PIK3R5: variants seen among roughly 807,000 people sequenced by gnomAD.
The protein encoded by PIK3R5 is phosphoinositide-3-kinase regulatory subunit 5, also known as phosphoinositide 3-kinase regulatory subunit 5.
Under a neutral mutation model 94.9 loss-of-function variants are expected in PIK3R5, and 32 were observed. The observed-to-expected ratio is 0.34, with a 90% CI of 0.25 to 0.45. The LOEUF is 0.45. Ranked by LOEUF, PIK3R5 falls within the 20% of genes least tolerant of loss-of-function variation. The pLI is 1.00. For missense variants in PIK3R5, 853 were observed against 1,144.6 expected, an observed-to-expected ratio of 0.75 and a Z score of 3.68; for synonymous variants, 443 against 479.4, an observed-to-expected ratio of 0.92 and a Z score of 0.99.
At chr17:8,961,207 C>A (rs1159824364) in intron 1 of PIK3R5, among the ~76,000 whole-genome samples, 1 of 152,114 alleles carries the variant, frequency 6.6e-6, no homozygotes, top group Non-Finnish European at 1.5e-5. Context: ...TGGGGAGAAG[C>A]AACAGCACAC....
chr17:8,956,287 G>A (rs1672131261), intron 1 of PIK3R5, among the ~76,000 whole-genome samples: 1 of 152,098 alleles, frequency 6.6e-6, no homozygotes, highest in Non-Finnish European at 1.5e-5. Context: ...TGACCTGAAA[G>A]GAAGCCTTCC....
At chr17:8,903,546 A>T (rs1481557156) in intron 5 of PIK3R5, among the ~76,000 whole-genome samples, 1 of 150,966 alleles carries the variant, frequency 6.6e-6, no homozygotes, top group Non-Finnish European at 1.5e-5. Flanking sequence ...TATAAATTTT[A>T]AAAATATCTT....
chr17:8,897,808 C>A (rs536096225), intron 5 of PIK3R5, among the ~76,000 whole-genome samples: 1 of 152,302 alleles, frequency 6.6e-6, no homozygotes, highest in African/African-American at 2.4e-5. Flanking sequence ...AAGAAGCAAC[C>A]TTGAAGATGG....
At chr17:8,915,667 C>A (rs976229661) in intron 1 of PIK3R5, 30 of 152,300 alleles carry the variant, frequency 2.0e-4, no homozygotes, top group African/African-American at 7.2e-4. Context: ...GGTTTTAAGA[C>A]CCCTCTGCCC....
rs768745301 is a variant in PIK3R5 at position 8,888,364 on chromosome 17, G to A, written c.1423C>T (p.Arg475Cys). 5.0e-6 allele frequency: 8 copies of A among 1,609,612 alleles called. No individual in the cohort carries two copies. The highest frequency in any genetic ancestry group is 2.2e-5 in the East Asian group (1 of 44,844). ...EPVSPPSRAQ[R>C]SRSLPQPKLG... The stretch of plus-strand genomic sequence containing the variant: ...TTGGGCTGGGGCAGGGAGCGGGAGC[G>A]CTGGGCCCGGGAAGGGGGTGATACT... Residue 475 changes from arginine to cysteine, a missense_variant, in exon 10 of 19, where the codon CGC (arginine) becomes TGC (cysteine). Physicochemically the swap from Arg to Cys is radical, Grantham distance 180. Transcript: ENST00000447110. The surrounding 1 kb of genome is among the most constrained non-coding windows in gnomAD (Gnocchi z 7.8).
intron 1 of PIK3R5, among the ~76,000 whole-genome samples, chr17:8,939,674 A>G (rs1244510849): frequency 6.6e-6 from 1 of 152,232 alleles, no homozygotes; most frequent in African/African-American, 2.4e-5. Flanking sequence ...TTCAAATGCG[A>G]ACTTCAGTTA....
intron 12 of PIK3R5, among the ~76,000 whole-genome samples, chr17:8,886,853 ATCTGAGGTCCCCCGGACCCT>A (rs1006048920): frequency 8.5e-5 from 13 of 152,192 alleles, no homozygotes; most frequent in African/African-American, 2.9e-4. Context: ...GGGGGCTGAA[ATCTGAGGTCCCCCGGACCCT>A]TCTGAGGGCC....
intron 12 of PIK3R5, 61 bp downstream of exon 12, chr17:8,887,035 C>T (rs1324179679): frequency 6.3e-7 from 1 of 1,599,590 alleles, no homozygotes; most frequent in Non-Finnish European, 8.5e-7. Context: ...CCAGGGCCTT[C>T]TAAGTGAGGC....
chr17:8,884,873 C>T lies in PIK3R5; in HGVS notation c.2129-90G>A, dbSNP rs1597371592. 9.7e-7 allele frequency: 1 copy of T among 1,028,920 alleles called. No individual in the cohort carries two copies. The highest frequency in any genetic ancestry group is 1.5e-6 in the Non-Finnish European group (1 of 663,214). 63.7% of individuals were successfully genotyped at this position (1,028,920 alleles called of 1,614,324 possible). On this transcript the variant is annotated intron_variant, in intron 14 of 18. Coordinates refer to ENST00000447110, the MANE Select transcript of PIK3R5 (RefSeq NM_001142633.3). The surrounding 1 kb of genome is among the most constrained non-coding windows in gnomAD (Gnocchi z 5.8). Reference sequence around the variant, plus strand: ...GCCTTGCCTCCCTGGGCCTTACCTCCCCATCCCCTACCACATGGACCGTGA... The same window carrying T: ...GCCTTGCCTCCCTGGGCCTTACCTCTCCATCCCCTACCACATGGACCGTGA...
chr17:8,914,197 T>C (rs2090587768), intron 1 of PIK3R5, among the ~76,000 whole-genome samples: 1 of 152,106 alleles, frequency 6.6e-6, no homozygotes, highest in African/African-American at 2.4e-5. Context: ...AGCAGGTTCT[T>C]GGAGGGAGCT....
At position 8,881,400 on chromosome 17, in the gene PIK3R5, G is replaced by A. The variant is rs1392580146; in HGVS notation, c.2382+230C>T. Reference sequence around the variant, plus strand: ...TCTCACAGGGCACCCCTACCTCCCCGACACCCCGCAACACTCCACACCTGT... The same window carrying A: ...TCTCACAGGGCACCCCTACCTCCCCAACACCCCGCAACACTCCACACCTGT... On this transcript the variant is annotated intron_variant, in intron 17 of 18. Transcript: ENST00000447110. This position sits in a 1 kb window ranked among gnomAD's most constrained non-coding sequence, Gnocchi z 4.8. Among the ~76,000 whole-genome samples, 2 of 150,950 alleles carry A rather than the reference G, an allele frequency of 1.3e-5. No homozygotes were observed. The highest frequency in any genetic ancestry group is 3.0e-5 in the Non-Finnish European group (2 of 67,780).
intron 1 of PIK3R5, among the ~76,000 whole-genome samples, chr17:8,919,854 C>T (rs1426763600): frequency 6.7e-6 from 1 of 149,070 alleles, no homozygotes; most frequent in African/African-American, 2.5e-5. Context: ...CTCTCTCTCT[C>T]TCTTTCTTTC....
intron 5 of PIK3R5, among the ~76,000 whole-genome samples, chr17:8,895,415 G>A (rs954174942): frequency 6.6e-6 from 1 of 152,140 alleles, no homozygotes; most frequent in African/African-American, 2.4e-5. Flanking sequence ...AGACTCTGAC[G>A]TCGCTCTCCC....
chr17:8,951,075 T>C (rs937900596), intron 1 of PIK3R5, among the ~76,000 whole-genome samples: 2 of 152,224 alleles, frequency 1.3e-5, no homozygotes, highest in African/African-American at 2.4e-5. Context: ...ATCTTTGATA[T>C]GTGTGTTGAC....
chr17:8,934,213 G>A (rs989904018), intron 1 of PIK3R5, among the ~76,000 whole-genome samples: 5 of 152,142 alleles, frequency 3.3e-5, no homozygotes, highest in Admixed American at 2.6e-4. Context: ...ACTACCATTA[G>A]CGAATTTATC....
In PIK3R5 at chr17:8,884,028, G is replaced by A. The variant is rs907998089; in HGVS notation, c.2205+679C>T. 7.2e-5 allele frequency among the ~76,000 whole-genome samples: 11 copies of A among 152,108 alleles called. No individual in the cohort carries two copies. The highest frequency in any genetic ancestry group is 1.6e-4 in the Non-Finnish European group (11 of 68,016). On this transcript the variant is annotated intron_variant, in intron 15 of 18. Transcript: ENST00000447110. This position sits in a 1 kb window ranked among gnomAD's most constrained non-coding sequence, Gnocchi z 5.8. ...ACTTGCCGCTCTCTGGAATTATCTT[G>A]GCTATTTCTTTGTTTCCTCGTTTCT... is the stretch of plus-strand genomic sequence containing the variant.
intron 1 of PIK3R5, chr17:8,916,719 G>C (rs1014404461): frequency 1.3e-5 from 2 of 152,512 alleles, no homozygotes; most frequent in East Asian, 1.9e-4. Flanking sequence ...ATGTTGACAG[G>C]ATGCCATGAT....
intron 5 of PIK3R5, among the ~76,000 whole-genome samples, chr17:8,903,116 A>G (rs1000362275): frequency 3.9e-5 from 6 of 152,170 alleles, no homozygotes; most frequent in Admixed American, 6.5e-5. Context: ...AAGTGCTGGG[A>G]TTACAGGCAT....
At chr17:8,962,605 A>C (rs1442246829) in intron 1 of PIK3R5, among the ~76,000 whole-genome samples, 1 of 152,224 alleles carries the variant, frequency 6.6e-6, no homozygotes, top group African/African-American at 2.4e-5. Context: ...ATTTAATAGA[A>C]TCTAAGATGC....
Sources: gnomAD v4.1 joint callset for allele counts (sites outside exome capture counted in the v4.1 genomes callset) on GRCh38, gnomAD v4.1.1 for gene constraint, Gnocchi (gnomAD v3.1) non-coding constraint, MANE v1.5 for transcripts, NCBI Gene and HGNC (gene_info 2026-07-23, HGNC 2026-07-21) for gene names.